The following SYT9 variants were observed in gnomAD, a reference collection of about 807,000 sequenced individuals.
SYT9 encodes synaptotagmin-9.
SYT9 carries 22 observed loss-of-function variants against 48.4 expected under a neutral mutation model. The observed-to-expected ratio is 0.45, with a 90% confidence interval of 0.32 to 0.65. The LOEUF is 0.65. Ranked by LOEUF, SYT9 falls within the 30% of genes least tolerant of loss-of-function variation. SYT9 has a pLI of 0.03. For synonymous variants in SYT9, 265 were observed against 245.0 expected (o/e 1.08, Z -0.76); for missense variants, 577 against 622.0 (o/e 0.93, Z 0.77).
intron 3 of SYT9, among the ~76,000 whole-genome samples, chr11:7,402,993 A>G (rs1367498059): frequency 1.3e-5 from 2 of 152,102 alleles, no homozygotes. Context: ...AGTATTTGAA[A>G]TTATACCTCT....
At chr11:7,309,967 G>A (rs10734615) in intron 2 of SYT9, among the ~76,000 whole-genome samples, 149,059 of 152,316 alleles carry the variant, frequency 0.98, 73,024 homozygotes, top group Middle Eastern at 1. Context: ...AGTCTTCGCT[G>A]TCTGCTTTAA....
At chr11:7,292,440 A>T (rs929121174) in intron 1 of SYT9, among the ~76,000 whole-genome samples, 1 of 152,194 alleles carries the variant, frequency 6.6e-6, no homozygotes, top group Non-Finnish European at 1.5e-5. Flanking sequence ...CCCCCATTGT[A>T]AAGGTGAGAA....
chr11:7,375,671 T>C (rs1850439790), intron 3 of SYT9, among the ~76,000 whole-genome samples: 1 of 152,220 alleles, frequency 6.6e-6, no homozygotes, highest in Non-Finnish European at 1.5e-5. Context: ...TTGTTCTCTT[T>C]GTAGCAATTG....
chr11:7,433,349 A>G (rs1421823453), intron 6 of SYT9, among the ~76,000 whole-genome samples: 1 of 152,238 alleles, frequency 6.6e-6, no homozygotes, highest in Non-Finnish European at 1.5e-5. Context: ...TACACCAATC[A>G]AGAAAGTAAA....
Position 7,447,798 on chromosome 11 carries a change from C to T in SYT9, c.1468-18994C>T, listed in dbSNP as rs553166246. ...AGTTCCCTGAGAACAGATACTGTAT[C>T]TCATTCATCTCTGAATCCTGAGGCC... On this transcript the variant is annotated intron_variant, in intron 6 of 6. Transcript: ENST00000318881. 9.8e-5 allele frequency among the ~76,000 whole-genome samples: 15 copies of T among 152,324 alleles called. No individual in the cohort carries two copies. In the South Asian group the frequency reaches 2.9e-3, roughly 29 times the overall value.
intron 1 of SYT9, among the ~76,000 whole-genome samples, chr11:7,277,541 A>T (rs1848420277): frequency 6.6e-6 from 1 of 152,248 alleles, no homozygotes; most frequent in African/African-American, 2.4e-5. Flanking sequence ...TATGAATTTG[A>T]AGCATTTTCT....
At chr11:7,291,879 G>T (rs1055400996) in intron 1 of SYT9, among the ~76,000 whole-genome samples, 2 of 152,142 alleles carry the variant, frequency 1.3e-5, no homozygotes, top group African/African-American at 2.4e-5. Context: ...CCTGAGGAAG[G>T]CCAGGAAGGG....
intron 3 of SYT9, among the ~76,000 whole-genome samples, chr11:7,394,189 C>T (rs1386934370): frequency 6.6e-6 from 1 of 151,540 alleles, no homozygotes; most frequent in Non-Finnish European, 1.5e-5. Flanking sequence ...TCAATTCCCA[C>T]CTATGAGTGA....
At chr11:7,256,490 A>T (rs1847973664) in intron 1 of SYT9, among the ~76,000 whole-genome samples, 1 of 152,208 alleles carries the variant, frequency 6.6e-6, no homozygotes, top group Admixed American at 6.5e-5. Flanking sequence ...GCCCAGGGCC[A>T]TGGAGTCCAT....
At chr11:7,360,511 A>G (rs1287625843) in intron 3 of SYT9, among the ~76,000 whole-genome samples, 1 of 152,066 alleles carries the variant, frequency 6.6e-6, no homozygotes, top group Non-Finnish European at 1.5e-5. Context: ...ATTTGTTTGT[A>G]TCCTCTTTAA....
At chr11:7,441,533 T>TG (rs904388446) in intron 6 of SYT9, 10 of 152,132 alleles carry the variant, frequency 6.6e-5, no homozygotes, top group African/African-American at 2.4e-4. Context: ...TGGTTAAGGA[T>TG]GGGGGGTTCC....
At chr11:7,364,706 A>G (rs1476752791) in intron 3 of SYT9, among the ~76,000 whole-genome samples, 1 of 152,202 alleles carries the variant, frequency 6.6e-6, no homozygotes, top group Non-Finnish European at 1.5e-5. Flanking sequence ...GTTCATGTGG[A>G]TATTTAAGAT....
rs533048553 is a variant in SYT9 at position 7,425,855 on chromosome 11, T to TC, written c.1467+5227dup. 3.4e-4 allele frequency among the ~76,000 whole-genome samples: 52 copies of TC among 151,900 alleles called. 1 individual carries two copies. In the South Asian group the frequency reaches 6.7e-3, roughly 19 times the overall value. Reference sequence around the variant, plus strand: ...ATATCTTGCCCATATGATGAGGTGCTCCCCCCCAATATAGTCCAGCATCGT... The same window carrying TC: ...ATATCTTGCCCATATGATGAGGTGCTCCCCCCCCAATATAGTCCAGCATCGT... On this transcript the variant is annotated intron_variant, in intron 6 of 6. Transcript: ENST00000318881.
intron 3 of SYT9, among the ~76,000 whole-genome samples, chr11:7,354,996 A>G (rs1038205384): frequency 1.3e-5 from 2 of 152,158 alleles, no homozygotes; most frequent in African/African-American, 4.8e-5. Context: ...AAAAAAAATG[A>G]ATTATGGCTT....
intron 6 of SYT9, among the ~76,000 whole-genome samples, chr11:7,424,247 A>T (rs1377749393): frequency 6.6e-6 from 1 of 152,136 alleles, no homozygotes; most frequent in Non-Finnish European, 1.5e-5. Flanking sequence ...TTCACTGCAC[A>T]CTCAAAGGTC....
chr11:7,410,589 T>C (rs1847118323), intron 3 of SYT9, among the ~76,000 whole-genome samples: 1 of 152,228 alleles, frequency 6.6e-6, no homozygotes, highest in Non-Finnish European at 1.5e-5. Context: ...CCTTTATCAT[T>C]ATATAATGAC....
intron 6 of SYT9, chr11:7,440,096 G>T (rs1847801078): frequency 1.3e-5 from 2 of 152,242 alleles, no homozygotes; most frequent in Non-Finnish European, 2.9e-5. Flanking sequence ...CCTTGATTCA[G>T]CCTCTGTTCC....
intron 1 of SYT9, among the ~76,000 whole-genome samples, chr11:7,262,456 C>T (rs1446564998): frequency 1.3e-5 from 2 of 151,940 alleles, no homozygotes; most frequent in Non-Finnish European, 2.9e-5. Flanking sequence ...TCTAGGAAGG[C>T]ACAGTGAATG....
chr11:7,246,860 G>T (rs964345136), intron 1 of SYT9, among the ~76,000 whole-genome samples: 19 of 152,204 alleles, frequency 1.2e-4, no homozygotes, highest in African/African-American at 4.6e-4. Context: ...TCTTGGGCTG[G>T]CTGTTGACTG....
Sources: gnomAD v4.1 joint callset for allele counts (sites outside exome capture counted in the v4.1 genomes callset) on GRCh38, gnomAD v4.1.1 for gene constraint, MANE v1.5 for transcripts, NCBI Gene and HGNC (gene_info 2026-07-23, HGNC 2026-07-21) for gene names.